ASCC1: variants seen among roughly 807,000 people sequenced by gnomAD.
ASCC1 encodes ASC-1 complex subunit P50.
Under a neutral mutation model 46.6 loss-of-function variants are expected in ASCC1, and 35 were observed. That is an observed-to-expected ratio of 0.75 (90% CI 0.57 to 0.99). The LOEUF (loss-of-function observed/expected upper bound fraction) is 0.99. ASCC1 is among the 50% of genes least tolerant of loss of function. The pLI is 0.00. For missense variants in ASCC1, 376 were observed against 428.7 expected, an observed-to-expected ratio of 0.88 and a Z score of 1.09; for synonymous variants, 143 against 146.6, an observed-to-expected ratio of 0.98 and a Z score of 0.18.
intron 9 of ASCC1, 151 bp from the exon 10 acceptor site, chr10:72,097,601 C>A: frequency 1.7e-6 from 1 of 589,138 alleles, no homozygotes; most frequent in Non-Finnish European, 3.1e-6. Flanking sequence ...AATAATGATC[C>A]AGGAGAGGAG....
intron 3 of ASCC1, among the ~76,000 whole-genome samples, chr10:72,205,212 T>C (rs1485447705): frequency 6.6e-6 from 1 of 152,160 alleles, no homozygotes; most frequent in Non-Finnish European, 1.5e-5. Flanking sequence ...GGCTCATGCC[T>C]GTAATCCCAT....
At chr10:72,214,410 T>C (rs1858742859) in intron 1 of ASCC1, among the ~76,000 whole-genome samples, 3 of 148,104 alleles carry the variant, frequency 2.0e-5, no homozygotes, top group Non-Finnish European at 3.0e-5. Flanking sequence ...TGTATTGCTC[T>C]TGTTGCCCAG....
intron 4 of ASCC1, among the ~76,000 whole-genome samples, chr10:72,201,883 A>G (rs1465428118): frequency 6.6e-6 from 1 of 151,866 alleles, no homozygotes. Context: ...GTCTACACTG[A>G]GCTGTGATCA....
At chr10:72,143,326 T>C (rs142327959) in intron 7 of ASCC1, among the ~76,000 whole-genome samples, 290 of 152,224 alleles carry the variant, frequency 1.9e-3, no homozygotes, top group Non-Finnish European at 3.4e-3. Flanking sequence ...AGGATTTTAT[T>C]ATACTGATTT....
At chr10:72,153,288 T>C (rs1483482371) in intron 6 of ASCC1, among the ~76,000 whole-genome samples, 1 of 152,236 alleles carries the variant, frequency 6.6e-6, no homozygotes, top group East Asian at 1.9e-4. Context: ...ACAGTTCTGA[T>C]CCATAAAGAC....
At chr10:72,195,758 C>T (rs944680185) in intron 5 of ASCC1, among the ~76,000 whole-genome samples, 2 of 150,982 alleles carry the variant, frequency 1.3e-5, no homozygotes, top group Non-Finnish European at 2.9e-5. Flanking sequence ...TGCTTGAACC[C>T]GGGATGCAGA....
chr10:72,152,095 T>C (rs1412425307), intron 7 of ASCC1, among the ~76,000 whole-genome samples: 2 of 151,012 alleles, frequency 1.3e-5, no homozygotes, highest in African/African-American at 4.9e-5. Context: ...TAGGCTCAGG[T>C]GATCCTCCCA....
intron 9 of ASCC1, among the ~76,000 whole-genome samples, chr10:72,124,919 G>C (rs1235060951): frequency 6.6e-6 from 1 of 152,030 alleles, no homozygotes; most frequent in Non-Finnish European, 1.5e-5. Context: ...ACAGGAGAAT[G>C]ATTCTAGTTG....
At chr10:72,120,677 GA>G (rs1320417332) in intron 9 of ASCC1, among the ~76,000 whole-genome samples, 1 of 151,222 alleles carries the variant, frequency 6.6e-6, no homozygotes, top group African/African-American at 2.4e-5. Context: ...GAAAGAAGCC[GA>G]AGGGAAAAAA....
intron 5 of ASCC1, among the ~76,000 whole-genome samples, chr10:72,187,952 C>CA (rs1055694987): frequency 1.4e-5 from 2 of 147,856 alleles, no homozygotes; most frequent in African/African-American, 5.0e-5. Flanking sequence ...GAGTCTGTCT[C>CA]AAAAAAAAGA....
intron 1 of ASCC1, among the ~76,000 whole-genome samples, chr10:72,215,510 C>A (rs1363138501): frequency 6.6e-6 from 1 of 152,132 alleles, no homozygotes; most frequent in Non-Finnish European, 1.5e-5. Context: ...AGGAAAAGGG[C>A]ACATCATTAG....
chr10:72,195,064 C>T lies in ASCC1; in HGVS notation c.489+1747G>A, dbSNP rs117903207. Among the ~76,000 whole-genome samples, 657 of 151,164 alleles carry T rather than the reference C, an allele frequency of 4.3e-3. 3 individuals are homozygous for T. Among genetic ancestry groups the T allele is most frequent in the Non-Finnish European group, 6.1e-3 (412 of 67,858 alleles). On this transcript the variant is annotated intron_variant, in intron 5 of 9. Coordinates refer to ENST00000672957, the MANE Select transcript of ASCC1 (RefSeq NM_001198800.3). ...GCCCAGATTATGTTATTTTAGTCATCACTGCTATAATTTCCTACTTGTTCT... is the reference window on the plus strand; with the variant it reads ...GCCCAGATTATGTTATTTTAGTCATTACTGCTATAATTTCCTACTTGTTCT...
At chr10:72,142,990 T>C (rs1026877269) in intron 7 of ASCC1, among the ~76,000 whole-genome samples, 5 of 151,680 alleles carry the variant, frequency 3.3e-5, no homozygotes, top group African/African-American at 1.2e-4. Context: ...TGAAACCCCA[T>C]CTCTACTAAA....
chr10:72,109,102 A>G (rs561698832), intron 9 of ASCC1, among the ~76,000 whole-genome samples: 1 of 152,336 alleles, frequency 6.6e-6, no homozygotes, highest in East Asian at 1.9e-4. Context: ...ATAATATTAT[A>G]GTAGCTAATA....
intron 6 of ASCC1, among the ~76,000 whole-genome samples, chr10:72,160,248 T>C (rs1465503608): frequency 6.6e-6 from 1 of 152,168 alleles, no homozygotes; most frequent in Non-Finnish European, 1.5e-5. Flanking sequence ...TTTTAGATCC[T>C]TTTACCTTGT....
In ASCC1 at chr10:72,097,833, A is replaced by C. The variant is rs147703665; in HGVS notation, c.958-383T>G. ...TCTGACTTCCAGTGACTGACCATGC[A>C]GGGATCTCGGCTTTGTTGCACCAGG... is the stretch of plus-strand genomic sequence containing the variant. On this transcript the variant is annotated intron_variant, in intron 9 of 9. Transcript: ENST00000672957. Among the ~76,000 whole-genome samples, 952 of 152,382 alleles carry C rather than the reference A, an allele frequency of 6.2e-3. 31 individuals are homozygous for C. Among genetic ancestry groups the C allele is most frequent in the Admixed American group, 0.057 (875 of 15,310 alleles).
At chr10:72,152,180 T>TG (rs1564654443) in intron 7 of ASCC1, among the ~76,000 whole-genome samples, 5 of 150,728 alleles carry the variant, frequency 3.3e-5, no homozygotes, top group African/African-American at 9.8e-5. Flanking sequence ...GGGTTTTTTT[T>TG]TTTTTGTTTT....
intron 7 of ASCC1, among the ~76,000 whole-genome samples, chr10:72,134,806 A>C (rs1846000752): frequency 6.6e-6 from 1 of 152,238 alleles, no homozygotes; most frequent in Non-Finnish European, 1.5e-5. Flanking sequence ...AGAGGCTGAA[A>C]TGAGAATTAC....
At chr10:72,117,449 G>A (rs138866423) in intron 9 of ASCC1, among the ~76,000 whole-genome samples, 10 of 152,266 alleles carry the variant, frequency 6.6e-5, no homozygotes, top group African/African-American at 2.4e-4. Flanking sequence ...CCTCCTTTTA[G>A]AACACTAATG....
Sources: gnomAD v4.1 joint callset for allele counts (sites outside exome capture counted in the v4.1 genomes callset) on GRCh38, gnomAD v4.1.1 for gene constraint, MANE v1.5 for transcripts, NCBI Gene and HGNC (gene_info 2026-07-23, HGNC 2026-07-21) for gene names.